Variants in LCLAT1 observed in about 807,000 individuals in gnomAD.
The protein encoded by LCLAT1 is 1-AGP acyltransferase 8.
A neutral mutation model predicts 30.7 loss-of-function variants in LCLAT1; 11 were observed. The ratio of observed to expected loss-of-function variants is 0.36; its 90% confidence interval spans 0.23 to 0.59. The LOEUF (loss-of-function observed/expected upper bound fraction) is 0.59. Ranked by LOEUF, LCLAT1 falls within the 20% of genes least tolerant of loss-of-function variation. The pLI is 0.77. For synonymous variants in LCLAT1, 155 were observed against 151.3 expected, an observed-to-expected ratio of 1.02 and a Z score of -0.18; for missense variants, 402 against 458.6, an observed-to-expected ratio of 0.88 and a Z score of 1.13.
At chr2:30,586,780 C>A (rs1666460291) in intron 5 of LCLAT1, among the ~76,000 whole-genome samples, 1 of 152,142 alleles carries the variant, frequency 6.6e-6, no homozygotes, top group Non-Finnish European at 1.5e-5. Flanking sequence ...CTTACCAATC[C>A]TTCCTTATTG....
At chr2:30,584,102 C>G (rs1279159785) in intron 5 of LCLAT1, among the ~76,000 whole-genome samples, 1 of 152,074 alleles carries the variant, frequency 6.6e-6, no homozygotes, top group Non-Finnish European at 1.5e-5. Context: ...TCAACTCCCA[C>G]CTATGAGTGA....
intron 5 of LCLAT1, among the ~76,000 whole-genome samples, chr2:30,604,552 A>C (rs1667337540): frequency 6.6e-6 from 1 of 151,996 alleles, no homozygotes; most frequent in East Asian, 1.9e-4. Flanking sequence ...GTGTAAAATA[A>C]AATTATACTT....
Position 30,606,393 on chromosome 2 carries a change from T to C in LCLAT1, c.629-33724T>C, listed in dbSNP as rs1667451464. On this transcript the variant is annotated intron_variant, in intron 5 of 5. Coordinates refer to ENST00000379509, the MANE Select transcript of LCLAT1 (RefSeq NM_001002257.3). ...TGGTACTGTTACAAAAACAGACACA[T>C]AGACCAATGGAACAGAATAGAGAAC... The C allele has an allele frequency of 4.5e-5, 8 of 176,972 alleles. No individual in the cohort carries two copies. In the South Asian group the frequency reaches 7.2e-4, roughly 16 times the overall value. The allele number at this position is 176,972 out of a possible 1,614,324, so 11.0% of individuals were successfully genotyped here. A position where few individuals can be genotyped will look rare whatever the true frequency, so the allele number is the denominator to read the frequency against.
At chr2:30,528,002 C>G (rs1428711298) in intron 2 of LCLAT1, among the ~76,000 whole-genome samples, 1 of 152,126 alleles carries the variant, frequency 6.6e-6, no homozygotes, top group Non-Finnish European at 1.5e-5. Context: ...TCCTGTTAAT[C>G]CACCTAGCTT....
chr2:30,497,168 C>A (rs997833776), intron 1 of LCLAT1, among the ~76,000 whole-genome samples: 1 of 152,152 alleles, frequency 6.6e-6, no homozygotes, highest in Non-Finnish European at 1.5e-5. Context: ...TGATATAAAC[C>A]GAAGTGCTTG....
At chr2:30,567,702 C>T (rs1474095163) in intron 4 of LCLAT1, among the ~76,000 whole-genome samples, 1 of 152,192 alleles carries the variant, frequency 6.6e-6, no homozygotes, top group African/African-American at 2.4e-5. Context: ...AGCAAGTTTC[C>T]TTTTAAAAAC....
chr2:30,637,419 T>C (rs1669088369), intron 5 of LCLAT1, among the ~76,000 whole-genome samples: 1 of 152,146 alleles, frequency 6.6e-6, no homozygotes, highest in South Asian at 2.1e-4. Context: ...GAATAGGGTC[T>C]TTTTTAGATA....
intron 3 of LCLAT1, among the ~76,000 whole-genome samples, chr2:30,559,153 G>C (rs746974949): frequency 7.2e-5 from 11 of 152,202 alleles, no homozygotes; most frequent in Non-Finnish European, 1.2e-4. Context: ...TGTGGTGTTA[G>C]AAGTTGGAGT....
At chr2:30,607,776 C>G (rs1212281544) in intron 5 of LCLAT1, 1 of 151,464 alleles carries the variant, frequency 6.6e-6, no homozygotes, top group Non-Finnish European at 1.5e-5. Flanking sequence ...CTCTGAAGAC[C>G]TTGCAGTGAG....
At chr2:30,482,969 A>G (rs552143858) in intron 1 of LCLAT1, among the ~76,000 whole-genome samples, 2 of 152,292 alleles carry the variant, frequency 1.3e-5, no homozygotes, top group East Asian at 1.9e-4. Flanking sequence ...AAGAGGAGCC[A>G]AGGGAGACAT....
intron 1 of LCLAT1, 181 bp downstream of exon 1, chr2:30,447,564 T>C (rs1390583499): frequency 6.6e-6 from 1 of 152,208 alleles, no homozygotes; most frequent in Non-Finnish European, 1.5e-5. Flanking sequence ...CCGGTGCAGG[T>C]GGCGGTAGCG....
At chr2:30,577,688 A>G (rs1188294538) in intron 5 of LCLAT1, among the ~76,000 whole-genome samples, 2 of 152,196 alleles carry the variant, frequency 1.3e-5, no homozygotes, top group Non-Finnish European at 2.9e-5. Context: ...ACTAACAGAC[A>G]GTAATCTACA....
chr2:30,576,404 A>AT (rs1467085628), intron 5 of LCLAT1, among the ~76,000 whole-genome samples: 49 of 152,118 alleles, frequency 3.2e-4, no homozygotes, highest in African/African-American at 1.2e-3. Context: ...TGTCAATACT[A>AT]TTTACTCATT....
intron 3 of LCLAT1, among the ~76,000 whole-genome samples, chr2:30,558,247 A>G (rs1331784584): frequency 6.6e-6 from 1 of 152,178 alleles, no homozygotes; most frequent in Non-Finnish European, 1.5e-5. Context: ...AAAATACACA[A>G]AAGGTTTGAA....
chr2:30,447,936 C>CCGCGA (rs1681347516), intron 1 of LCLAT1, among the ~76,000 whole-genome samples: 1 of 152,218 alleles, frequency 6.6e-6, no homozygotes, highest in Non-Finnish European at 1.5e-5. Flanking sequence ...AGTGGCAGTG[C>CCGCGA]CGCGAAAAGA....
At chr2:30,530,503 A>G (rs1685930618) in intron 2 of LCLAT1, among the ~76,000 whole-genome samples, 1 of 152,176 alleles carries the variant, frequency 6.6e-6, no homozygotes, top group African/African-American at 2.4e-5. Flanking sequence ...GTCAAGGGAG[A>G]GGATGTCATG....
At chr2:30,632,056 C>T (rs1035834591) in intron 5 of LCLAT1, among the ~76,000 whole-genome samples, 1 of 152,142 alleles carries the variant, frequency 6.6e-6, no homozygotes, top group African/African-American at 2.4e-5. Context: ...TGAAAAGATT[C>T]ACCATTTATA....
chr2:30,450,496 C>T (rs1479397560), intron 1 of LCLAT1, among the ~76,000 whole-genome samples: 1 of 151,132 alleles, frequency 6.6e-6, no homozygotes, highest in East Asian at 1.9e-4. Context: ...TACAAAAATG[C>T]TAGGATAATG....
chr2:30,573,784 G>C (rs569510755), intron 5 of LCLAT1, among the ~76,000 whole-genome samples: 8 of 152,124 alleles, frequency 5.3e-5, no homozygotes, highest in African/African-American at 1.7e-4. Flanking sequence ...CTTCTTCACT[G>C]TTTTTTCTCA....
Sources: allele counts gnomAD v4.1 joint callset (sites outside exome capture counted in the v4.1 genomes callset), GRCh38; gene constraint gnomAD v4.1.1; transcripts MANE v1.5; gene names NCBI Gene and HGNC (gene_info 2026-07-23, HGNC 2026-07-21).